VTI1A: variants seen among roughly 807,000 people sequenced by gnomAD.
VTI1A encodes vesicle transport through interaction with t-SNAREs homolog 1A.
A neutral mutation model predicts 34.9 loss-of-function variants in VTI1A; 22 were observed. The ratio of observed to expected loss-of-function variants is 0.63; its 90% CI spans 0.45 to 0.90. The LOEUF (loss-of-function observed/expected upper bound fraction) is 0.90, where lower values mean the gene tolerates loss of function less well. VTI1A is among the 40% of genes least tolerant of loss of function. The probability of loss-of-function intolerance (pLI) is 0.00; values close to 1 mark genes in which losing one functional copy is unlikely to be tolerated. For missense variants in VTI1A, 268 were observed against 275.6 expected, an observed-to-expected ratio of 0.97 and a Z score of 0.20; for synonymous variants, 87 against 97.3, an observed-to-expected ratio of 0.89 and a Z score of 0.62.
intron 7 of VTI1A, among the ~76,000 whole-genome samples, chr10:112,702,360 A>C (rs538530228): frequency 6.6e-6 from 1 of 152,360 alleles, no homozygotes; most frequent in South Asian, 2.1e-4. Flanking sequence ...CAAATTCAGT[A>C]TTAAAACCAG....
intron 4 of VTI1A, among the ~76,000 whole-genome samples, chr10:112,537,756 A>G (rs1160999168): frequency 6.6e-6 from 1 of 152,190 alleles, no homozygotes. Flanking sequence ...TGTTCTATAT[A>G]GCATCTTGCT....
chr10:112,512,691 G>A (rs942283453), intron 3 of VTI1A, among the ~76,000 whole-genome samples: 1 of 152,052 alleles, frequency 6.6e-6, no homozygotes, highest in Non-Finnish European at 1.5e-5. Flanking sequence ...TTGTGTTTAG[G>A]TCCTTAATCC....
chr10:112,687,078 C>T (rs919262003), intron 7 of VTI1A, among the ~76,000 whole-genome samples: 1 of 151,916 alleles, frequency 6.6e-6, no homozygotes, highest in Non-Finnish European at 1.5e-5. Context: ...TGCTGAGAAT[C>T]GGTGAATGGA....
At chr10:112,509,023 A>G (rs1489009421) in intron 3 of VTI1A, among the ~76,000 whole-genome samples, 2 of 152,192 alleles carry the variant, frequency 1.3e-5, no homozygotes, top group African/African-American at 4.8e-5. Flanking sequence ...TTGGGTCATA[A>G]CTGGGATTGG....
At chr10:112,810,816 C>T (rs143532323) in intron 7 of VTI1A, among the ~76,000 whole-genome samples, 531 of 152,286 alleles carry the variant, frequency 3.5e-3, no homozygotes, top group Admixed American at 9.3e-3. Context: ...AGGCCTCACG[C>T]ATGATATCAT....
At chr10:112,842,043 T>C in the VTI1A span, among the ~76,000 whole-genome samples, 1 of 137,372 alleles carries the variant, frequency 7.3e-6, no homozygotes, top group African/African-American at 2.8e-5. Context: ...TTTTCTTTTT[T>C]TTTTTTCCTT....
chr10:112,692,445 C>T (rs1848643653), intron 7 of VTI1A, among the ~76,000 whole-genome samples: 1 of 152,202 alleles, frequency 6.6e-6, no homozygotes. Context: ...CATCTTACTT[C>T]AGGCCCAGAA....
In VTI1A at chr10:112,538,211, C is replaced by A. The variant is rs768122504; in HGVS notation, c.343-35C>A. On this transcript the variant is annotated intron_variant, in intron 4 of 7. Coordinates refer to ENST00000393077, the MANE Select transcript of VTI1A (RefSeq NM_145206.4). ...CAAAAAAAAGAACATTGTAGACGGC[C>A]GTCTGATTTTTTTTTCCCCCTTTTT... 17 of 1,583,786 alleles carry A rather than the reference C, an allele frequency of 1.1e-5. 1 individual carries two copies. The South Asian group carries it at 1.9e-4, about 18-fold the overall frequency.
At chr10:112,836,322 G>A in the VTI1A span, among the ~76,000 whole-genome samples, 2 of 152,138 alleles carry the variant, frequency 1.3e-5, no homozygotes, top group South Asian at 2.1e-4. Context: ...GAACTGAAAG[G>A]AAGAAACTTG....
intron 7 of VTI1A, among the ~76,000 whole-genome samples, chr10:112,690,449 G>A (rs7071347): frequency 3.9e-5 from 6 of 152,022 alleles, no homozygotes; most frequent in African/African-American, 1.4e-4. Context: ...CCCATTAAAG[G>A]GCCACATGGC....
intron 3 of VTI1A, among the ~76,000 whole-genome samples, chr10:112,509,240 G>A (rs2134174531): frequency 6.6e-6 from 1 of 152,248 alleles, no homozygotes; most frequent in African/African-American, 2.4e-5. Flanking sequence ...TAGACCTGAA[G>A]TCCATATGAG....
intron 7 of VTI1A, among the ~76,000 whole-genome samples, chr10:112,688,521 C>CTTTTTTTTTTTTT (rs59853999): frequency 8.6e-6 from 1 of 116,448 alleles, no homozygotes; most frequent in African/African-American, 3.4e-5. Context: ...CAATTTTTTT[C>CTTTTTTTTTTTTT]TTTTTTTTTT....
intron 7 of VTI1A, among the ~76,000 whole-genome samples, chr10:112,726,410 T>C: frequency 6.6e-6 from 1 of 152,298 alleles, no homozygotes; most frequent in South Asian, 2.1e-4. Context: ...GTCCAAGCCG[T>C]CAGTAGACAA....
the VTI1A span, among the ~76,000 whole-genome samples, chr10:112,855,324 A>G: frequency 2.0e-5 from 3 of 152,178 alleles, no homozygotes; most frequent in Non-Finnish European, 4.4e-5. Context: ...GCCAGTCCAG[A>G]GAGGGTTCCT....
At chr10:112,613,939 A>AT (rs1370826129) in intron 5 of VTI1A, among the ~76,000 whole-genome samples, 2 of 151,858 alleles carry the variant, frequency 1.3e-5, no homozygotes, top group South Asian at 2.1e-4. Flanking sequence ...CCTGTTAACC[A>AT]TTTTTTTGTT....
At chr10:112,517,419 G>A (rs1564809241) in intron 3 of VTI1A, among the ~76,000 whole-genome samples, 1 of 152,056 alleles carries the variant, frequency 6.6e-6, no homozygotes. Flanking sequence ...TGATTGAATA[G>A]ACAAATCTCC....
At chr10:112,687,622 C>G (rs1848464022) in intron 7 of VTI1A, among the ~76,000 whole-genome samples, 1 of 151,994 alleles carries the variant, frequency 6.6e-6, no homozygotes, top group Non-Finnish European at 1.5e-5. Flanking sequence ...AACAATATGT[C>G]TTGTCAAGAT....
Position 112,628,852 on chromosome 10 carries a change from G to A in VTI1A, c.428-39366G>A, listed in dbSNP as rs373503866. Among the ~76,000 whole-genome samples, 17 of 152,072 alleles carry A rather than the reference G, an allele frequency of 1.1e-4. No homozygotes were observed. The East Asian group carries it at 2.7e-3, about 24-fold the overall frequency. On this transcript the variant is annotated intron_variant, in intron 5 of 7. Coordinates refer to ENST00000393077, the MANE Select transcript of VTI1A (RefSeq NM_145206.4). ...AGATAACCACTGTTAGTATTTTGGT[G>A]TATATCCTCGCAGTGTTTTTTTAAT...
intron 5 of VTI1A, among the ~76,000 whole-genome samples, chr10:112,633,850 T>C (rs1308641311): frequency 6.7e-6 from 1 of 148,708 alleles, no homozygotes; most frequent in East Asian, 2.0e-4. Context: ...AAGTTGGCTC[T>C]AGACTAAAAA....
Sources: allele counts gnomAD v4.1 joint callset (sites outside exome capture counted in the v4.1 genomes callset), GRCh38; gene constraint gnomAD v4.1.1; transcripts MANE v1.5; gene names NCBI Gene and HGNC (gene_info 2026-07-23, HGNC 2026-07-21).